NRG1: variants seen among roughly 807,000 people sequenced by gnomAD.
NRG1 encodes the protein pro-neuregulin-1, membrane-bound isoform.
In NRG1, 18 loss-of-function variants were observed where a neutral mutation model predicts 63.8. The observed-to-expected ratio is 0.28, with a 90% confidence interval of 0.19 to 0.42. NRG1 has a LOEUF of 0.42. NRG1 is among the 10% of genes least tolerant of loss of function. The pLI, the probability that NRG1 is intolerant of heterozygous loss-of-function variation, is 1.00. For synonymous variants in NRG1, 302 were observed against 301.3 expected (o/e 1.00, Z -0.02); for missense variants, 762 against 814.7 (o/e 0.94, Z 0.79).
intron 1 of NRG1, among the ~76,000 whole-genome samples, chr8:32,554,534 A>C (rs1834741954): frequency 6.6e-6 from 1 of 152,226 alleles, no homozygotes; most frequent in Non-Finnish European, 1.5e-5. Context: ...AAAATATTCC[A>C]TGTTCTCATC....
chr8:31,918,332 G>A (rs1373891171), intron 1 of NRG1, among the ~76,000 whole-genome samples: 14 of 152,186 alleles, frequency 9.2e-5, no homozygotes, highest in Non-Finnish European at 1.6e-4. Context: ...GATATTGGCT[G>A]TGGGTTTGTC....
chr8:31,751,316 T>G (rs11781163), intron 1 of NRG1, among the ~76,000 whole-genome samples: 31,834 of 151,956 alleles, frequency 0.21, 3,743 homozygotes, highest in Non-Finnish European at 0.26. Context: ...AAGGTTTCAT[T>G]AAATAAATGG....
intron 1 of NRG1, among the ~76,000 whole-genome samples, chr8:31,663,218 A>C (rs951842748): frequency 3.3e-5 from 5 of 152,234 alleles, no homozygotes; most frequent in Non-Finnish European, 5.9e-5. Flanking sequence ...AGGAAACCTC[A>C]TTTAGCTTTT....
At chr8:32,291,367 C>A (rs1029003366) in intron 1 of NRG1, among the ~76,000 whole-genome samples, 1 of 152,060 alleles carries the variant, frequency 6.6e-6, no homozygotes, top group Non-Finnish European at 1.5e-5. Context: ...GACCTGGAAC[C>A]CTCTGACTTC....
intron 5 of NRG1, among the ~76,000 whole-genome samples, chr8:32,629,014 A>T (rs376998411): frequency 9.5e-4 from 144 of 152,262 alleles, no homozygotes; most frequent in African/African-American, 3.2e-3. Flanking sequence ...TATTACAGGC[A>T]TGAACCACCA....
At chr8:32,332,603 C>A (rs1034002655) in intron 1 of NRG1, among the ~76,000 whole-genome samples, 1 of 152,160 alleles carries the variant, frequency 6.6e-6, no homozygotes, top group East Asian at 1.9e-4. Flanking sequence ...ATTCTTCTGA[C>A]CCTCATCACA....
intron 1 of NRG1, among the ~76,000 whole-genome samples, chr8:32,046,280 G>A (rs568839384): frequency 6.6e-6 from 1 of 152,030 alleles, no homozygotes; most frequent in African/African-American, 2.4e-5. Flanking sequence ...AAAACAAAAC[G>A]AAAGACCCTT....
At chr8:32,401,515 G>T (rs908146110) in intron 1 of NRG1, among the ~76,000 whole-genome samples, 4 of 151,948 alleles carry the variant, frequency 2.6e-5, no homozygotes, top group Non-Finnish European at 5.9e-5. Flanking sequence ...TTAAAAAAAG[G>T]CTTTGCATTC....
At chr8:31,939,393 C>T (rs529568476) in intron 1 of NRG1, among the ~76,000 whole-genome samples, 53 of 152,178 alleles carry the variant, frequency 3.5e-4, no homozygotes, top group Admixed American at 9.8e-4. Flanking sequence ...GCCAGCACTA[C>T]AAGAACTGCT....
At chr8:32,749,823 C>G (rs1828320261) in intron 7 of NRG1, 1 of 558,580 alleles carries the variant, frequency 1.8e-6, no homozygotes, top group South Asian at 2.2e-5. Context: ...TAAAAGTACC[C>G]TACCTGCTGC....
intron 1 of NRG1, among the ~76,000 whole-genome samples, chr8:32,549,286 G>T (rs1308689234): frequency 1.3e-5 from 2 of 152,260 alleles, no homozygotes; most frequent in Middle Eastern, 3.2e-3. Flanking sequence ...CCCTCGGTGT[G>T]CCTGGCAGCG....
chr8:32,006,235 C>A (rs1324346923), intron 1 of NRG1, among the ~76,000 whole-genome samples: 1 of 151,948 alleles, frequency 6.6e-6, no homozygotes, highest in Non-Finnish European at 1.5e-5. Context: ...GATGTAAACA[C>A]TATTTATTAG....
intron 1 of NRG1, among the ~76,000 whole-genome samples, chr8:32,264,111 T>C (rs964660099): frequency 2.6e-5 from 4 of 152,148 alleles, no homozygotes. Flanking sequence ...AAAGGTTTGT[T>C]ATTTTCAAAG....
intron 1 of NRG1, among the ~76,000 whole-genome samples, chr8:32,061,101 T>C (rs1031732146): frequency 2.0e-5 from 3 of 151,980 alleles, no homozygotes; most frequent in African/African-American, 4.8e-5. Flanking sequence ...AATTAAGTTT[T>C]GTGTAAATAT....
chr8:31,798,648 C>A (rs1821464479), intron 1 of NRG1, among the ~76,000 whole-genome samples: 2 of 152,072 alleles, frequency 1.3e-5, no homozygotes, highest in South Asian at 4.1e-4. Context: ...AGAATATGTG[C>A]AATTTAAGTG....
At chr8:31,683,005 C>T (rs1418302354) in intron 1 of NRG1, among the ~76,000 whole-genome samples, 3 of 152,126 alleles carry the variant, frequency 2.0e-5, no homozygotes, top group Non-Finnish European at 4.4e-5. Context: ...GGAAAAGGAA[C>T]ATTTTGAAAT....
intron 1 of NRG1, among the ~76,000 whole-genome samples, chr8:32,320,093 T>C (rs1801207151): frequency 6.6e-6 from 1 of 152,202 alleles, no homozygotes; most frequent in African/African-American, 2.4e-5. Flanking sequence ...TTTAAATTGC[T>C]GGATCTTGTT....
At chr8:32,514,426 C>G (rs1374748344) in intron 1 of NRG1, among the ~76,000 whole-genome samples, 1 of 152,044 alleles carries the variant, frequency 6.6e-6, no homozygotes, top group Non-Finnish European at 1.5e-5. Flanking sequence ...ATGCTTCATG[C>G]TTGAAAACTT....
chr8:31,719,788 C>T (rs1450352895), intron 1 of NRG1, among the ~76,000 whole-genome samples: 1 of 152,022 alleles, frequency 6.6e-6, no homozygotes, highest in African/African-American at 2.4e-5. Flanking sequence ...GGAAATTTAT[C>T]TGCAGAGACT....
Sources: gnomAD v4.1 joint callset for allele counts (sites outside exome capture counted in the v4.1 genomes callset) on GRCh38, gnomAD v4.1.1 for gene constraint, MANE v1.5 for transcripts, NCBI Gene and HGNC (gene_info 2026-07-23, HGNC 2026-07-21) for gene names.